The following RANBP17 variants were observed in gnomAD, a reference collection of about 807,000 sequenced individuals.
RANBP17 encodes the protein ran-binding protein 17.
Under a neutral mutation model 141.2 loss-of-function variants are expected in RANBP17, and 158 were observed. The ratio of observed to expected loss-of-function variants is 1.12; its 90% CI spans 0.98 to 1.28. The LOEUF is 1.28. Among genes scored for constraint, RANBP17 ranks in the 50% most tolerant of loss-of-function variants. The probability of loss-of-function intolerance (pLI) is 0.00; values close to 1 mark genes in which losing one functional copy is unlikely to be tolerated. For missense variants in RANBP17, 1,438 were observed against 1,290.7 expected (o/e 1.11, Z -1.75); for synonymous variants, 430 against 450.0 (o/e 0.96, Z 0.56).
chr5:171,053,410 A>G (rs1267291708), intron 14 of RANBP17, among the ~76,000 whole-genome samples: 2 of 152,078 alleles, frequency 1.3e-5, no homozygotes, highest in East Asian at 1.9e-4. Flanking sequence ...CTGCCCATGT[A>G]GAATTTTCAT....
intron 5 of RANBP17, among the ~76,000 whole-genome samples, chr5:170,908,143 A>G (rs1009188436): frequency 8.5e-5 from 13 of 152,116 alleles, no homozygotes; most frequent in Middle Eastern, 3.4e-3. Context: ...AAACAGAACT[A>G]CTATTCAACC....
At chr5:171,101,033 T>G (rs1787121198) in intron 14 of RANBP17, among the ~76,000 whole-genome samples, 1 of 152,196 alleles carries the variant, frequency 6.6e-6, no homozygotes, top group South Asian at 2.1e-4. Context: ...TGTGATCAAT[T>G]TTAGAATAAG....
intron 14 of RANBP17, among the ~76,000 whole-genome samples, chr5:171,073,391 A>G (rs1418689317): frequency 5.3e-5 from 8 of 152,102 alleles, no homozygotes; most frequent in African/African-American, 1.9e-4. Context: ...ACAGGTACAG[A>G]TTAGCAGTCC....
chr5:171,104,754 C>G (rs1754660297), intron 14 of RANBP17, among the ~76,000 whole-genome samples: 1 of 152,100 alleles, frequency 6.6e-6, no homozygotes, highest in East Asian at 1.9e-4. Flanking sequence ...TAATACTTAC[C>G]TTATAGGTCT....
chr5:171,295,857 G>A (rs903886961), intron 26 of RANBP17, 30 bp from the exon 27 acceptor site: 1 of 1,608,288 alleles, frequency 6.2e-7, no homozygotes, highest in Non-Finnish European at 8.5e-7. Flanking sequence ...CTTGGAGTCG[G>A]AGCTCTGACA....
intron 3 of RANBP17, among the ~76,000 whole-genome samples, chr5:170,886,273 G>A (rs1769137853): frequency 6.6e-6 from 1 of 152,104 alleles, no homozygotes; most frequent in African/African-American, 2.4e-5. Context: ...AACTTTAAAA[G>A]GTATTCCCTT....
At chr5:171,028,544 A>C (rs938758608) in intron 14 of RANBP17, among the ~76,000 whole-genome samples, 1 of 152,176 alleles carries the variant, frequency 6.6e-6, no homozygotes, top group Non-Finnish European at 1.5e-5. Context: ...AACCTTAAGC[A>C]TTTAAAAAAA....
chr5:171,099,337 G>T (rs1014614838), intron 14 of RANBP17, among the ~76,000 whole-genome samples: 39 of 152,240 alleles, frequency 2.6e-4, no homozygotes, highest in African/African-American at 9.1e-4. Flanking sequence ...CACATCCCTT[G>T]TAAGTTGTAT....
At chr5:170,976,699 T>C (rs1777400449) in intron 14 of RANBP17, among the ~76,000 whole-genome samples, 1 of 152,058 alleles carries the variant, frequency 6.6e-6, no homozygotes, top group African/African-American at 2.4e-5. Context: ...AGAGTCCAGG[T>C]AAAAACCTTC....
chr5:170,879,658 A>C (rs1768495655), intron 2 of RANBP17, among the ~76,000 whole-genome samples: 1 of 152,160 alleles, frequency 6.6e-6, no homozygotes, highest in Admixed American at 6.5e-5. Flanking sequence ...ACAAAAAGTA[A>C]GTTCCAAAGC....
At chr5:171,187,815 G>T (rs1341185536) in intron 18 of RANBP17, among the ~76,000 whole-genome samples, 1 of 152,124 alleles carries the variant, frequency 6.6e-6, no homozygotes, top group East Asian at 1.9e-4. Flanking sequence ...AATACTGCAG[G>T]TTAGACCAGT....
At chr5:171,021,010 T>G (rs1780816428) in intron 14 of RANBP17, among the ~76,000 whole-genome samples, 1 of 152,176 alleles carries the variant, frequency 6.6e-6, no homozygotes, top group Non-Finnish European at 1.5e-5. Flanking sequence ...TGAAATGGAT[T>G]TTATTTCTCC....
chr5:170,902,982 G>A (rs116282451), intron 5 of RANBP17, among the ~76,000 whole-genome samples: 4,454 of 152,188 alleles, frequency 0.029, 221 homozygotes, highest in African/African-American at 0.099. Context: ...GATGTCTCCC[G>A]GTCAGGAGGC....
At chr5:171,106,203 T>C (rs1314309453) in intron 14 of RANBP17, among the ~76,000 whole-genome samples, 1 of 152,144 alleles carries the variant, frequency 6.6e-6, no homozygotes, top group Non-Finnish European at 1.5e-5. Flanking sequence ...AAACACAAGG[T>C]TACAGCAGCC....
chr5:171,234,856 A>G (rs551063162), intron 22 of RANBP17, among the ~76,000 whole-genome samples: 1 of 152,188 alleles, frequency 6.6e-6, no homozygotes, highest in Non-Finnish European at 1.5e-5. Flanking sequence ...GAGTTTGGAA[A>G]ATAGGTCTAG....
chr5:171,060,439 G>C (rs1423336138), intron 14 of RANBP17, among the ~76,000 whole-genome samples: 2 of 151,878 alleles, frequency 1.3e-5, no homozygotes, highest in African/African-American at 4.8e-5. Flanking sequence ...TTTTGTCTTT[G>C]GTTCTGTTTA....
Position 171,171,277 on chromosome 5 carries a change from T to C in RANBP17, c.1856T>C (p.Leu619Pro). Reference protein sequence around the residue: ...ISRTLQFLNDLSVGYILLKKL... With the variant: ...ISRTLQFLNDPSVGYILLKKL... ...AGGACTCTTCAGTTCCTAAATGACC[T>C]TTCTGTTGGATATCCTTTTCACTGT... Residue 619 changes from leucine to proline, a missense_variant, in exon 16 of 28, where the codon CTT (leucine) becomes CCT (proline). Transcript: ENST00000523189. The C allele has an allele frequency of 6.4e-7, 1 of 1,573,154 alleles. No homozygotes were observed. Among genetic ancestry groups the C allele is most frequent in the South Asian group, 1.1e-5 (1 of 88,334 alleles).
At chr5:171,140,127 G>A (rs1757590401) in intron 14 of RANBP17, among the ~76,000 whole-genome samples, 1 of 152,048 alleles carries the variant, frequency 6.6e-6, no homozygotes, top group Admixed American at 6.6e-5. Flanking sequence ...TCTCCTCATG[G>A]AAGCCCTCCC....
chr5:170,893,814 C>G (rs755269472), intron 4 of RANBP17, among the ~76,000 whole-genome samples: 6 of 151,634 alleles, frequency 4.0e-5, no homozygotes, highest in African/African-American at 7.3e-5. Context: ...AAAGAAAAAT[C>G]CATGCTCTGT....
Sources: allele counts gnomAD v4.1 joint callset (sites outside exome capture counted in the v4.1 genomes callset), GRCh38; gene constraint gnomAD v4.1.1; transcripts MANE v1.5; gene names NCBI Gene and HGNC (gene_info 2026-07-23, HGNC 2026-07-21).